PIANP: variants seen among roughly 807,000 people sequenced by gnomAD.
The protein encoded by PIANP is PILR alpha-associated neural protein.
A neutral mutation model predicts 28.9 loss-of-function variants in PIANP; 14 were observed. The ratio of observed to expected loss-of-function variants is 0.49; its 90% CI spans 0.32 to 0.76. The LOEUF is 0.76. Ranked by LOEUF, PIANP falls within the 30% of genes least tolerant of loss-of-function variation. The probability of loss-of-function intolerance (pLI) is 0.03; values close to 1 mark genes in which losing one functional copy is unlikely to be tolerated. For synonymous variants in PIANP, 149 were observed against 156.6 expected, an observed-to-expected ratio of 0.95 and a Z score of 0.36; for missense variants, 322 against 371.8, an observed-to-expected ratio of 0.87 and a Z score of 1.10.
Position 6,700,495 on chromosome 12 carries a change from G to C in PIANP, c.-44+119C>G, listed in dbSNP as rs1489983044. On this transcript the variant is annotated intron_variant, in intron 1 of 4. Transcript: ENST00000534837. The surrounding 1 kb of genome is among the most constrained non-coding windows in gnomAD (Gnocchi z 5.5). ...TTCGGGGAAGGGGCGCTGGGAGGCT[G>C]GAGGCCTTGTCCCGGGCGAGGGACC... is the stretch of plus-strand genomic sequence containing the variant. 6.6e-6 allele frequency: 1 copy of C among 152,320 alleles called. No homozygotes were observed. The highest frequency in any genetic ancestry group is 2.4e-5 in the African/African-American group (1 of 41,344). 9.4% of individuals were successfully genotyped at this position (152,320 alleles called of 1,614,324 possible). A position where few individuals can be genotyped will look rare whatever the true frequency, so the allele number is the denominator to read the frequency against.
Position 6,694,826 on chromosome 12 carries a change from C to T in PIANP, c.*600G>A, listed in dbSNP as rs1221190086. 2.3e-5 allele frequency: 13 copies of T among 564,858 alleles called. 1 individual carries two copies. The highest frequency in any genetic ancestry group is 9.2e-5 in the South Asian group (3 of 32,452). The allele number at this position is 564,858 out of a possible 1,614,324, so 35.0% of individuals were successfully genotyped here. ...GTGCACAAGGGTGGGGACAGGGACC[C>T]GAAGTCACAGATATGTGAGGCCCCC... is the stretch of plus-strand genomic sequence containing the variant. On this transcript the variant is annotated 3_prime_UTR_variant, in exon 5 of 5. Transcript: ENST00000534837. The surrounding 1 kb of genome is among the most constrained non-coding windows in gnomAD (Gnocchi z 6.1).
chr12:6,693,601 C>T (rs1474882960), downstream of PIANP, among the ~76,000 whole-genome samples: 1 of 152,158 alleles, frequency 6.6e-6, no homozygotes, highest in Non-Finnish European at 1.5e-5. Context: ...TGTACCACTG[C>T]TCCTCGTCAG....
At position 6,695,926 on chromosome 12, in the gene PIANP, T is replaced by C. The variant is rs1302750376; in HGVS notation, c.606-275A>G. On this transcript the variant is annotated intron_variant, in intron 4 of 4. Transcript: ENST00000534837. The surrounding 1 kb of genome is among the most constrained non-coding windows in gnomAD (Gnocchi z 4.2). ...TAATATCCCCTCCCCACCACCACAA[T>C]GTCCTCTCCCCTACATGCCCAGAAG... Among the ~76,000 whole-genome samples the C allele has an allele frequency of 6.6e-6, 1 of 152,004 alleles. No individual in the cohort carries two copies. Among genetic ancestry groups the C allele is most frequent in the Non-Finnish European group, 1.5e-5 (1 of 67,998 alleles).
Position 6,696,040 on chromosome 12 carries a change from C to G in PIANP, c.606-389G>C, listed in dbSNP as rs73266929. 0.15 allele frequency among the ~76,000 whole-genome samples: 23,068 copies of G among 152,096 alleles called. 2,349 individuals are homozygous for G. Among genetic ancestry groups the G allele is most frequent in the African/African-American group, 0.29 (11,940 of 41,458 alleles). ...TTGGACACCTGAGTCTAATGATTCT[C>G]TCAGTAAAGTGTGAAGGACTGAGTG... On this transcript the variant is annotated intron_variant, in intron 4 of 4. Coordinates refer to ENST00000534837, the MANE Select transcript of PIANP (RefSeq NM_001244014.2). This position sits in a 1 kb window ranked among gnomAD's most constrained non-coding sequence, Gnocchi z 4.0.
chr12:6,700,106 C>T lies in PIANP; in HGVS notation c.-44+508G>A, dbSNP rs990802706. On this transcript the variant is annotated intron_variant, in intron 1 of 4. Coordinates refer to ENST00000534837, the MANE Select transcript of PIANP (RefSeq NM_001244014.2). The surrounding 1 kb of genome is among the most constrained non-coding windows in gnomAD (Gnocchi z 5.5). Reference sequence around the variant, plus strand: ...CGCAGTCCCCGGGCTGGCGCGCCACCCCCACCCCTCTCCCAGCTTCTCACC... The same window carrying T: ...CGCAGTCCCCGGGCTGGCGCGCCACTCCCACCCCTCTCCCAGCTTCTCACC... 3 of 152,282 alleles carry T rather than the reference C, an allele frequency of 2.0e-5. No homozygotes were observed. The highest frequency in any genetic ancestry group is 4.4e-5 in the Non-Finnish European group (3 of 68,130). 9.4% of individuals were successfully genotyped at this position (152,282 alleles called of 1,614,324 possible). A position where few individuals can be genotyped will look rare whatever the true frequency, so the allele number is the denominator to read the frequency against.
In PIANP at chr12:6,697,733, G is replaced by A. The variant is rs777111515; in HGVS notation, c.77C>T (p.Pro26Leu). Residue 26 changes from proline to leucine, a missense_variant, in exon 3 of 5, where the codon CCA (proline) becomes CTA (leucine). Transcript: ENST00000534837. The surrounding 1 kb of genome is among the most constrained non-coding windows in gnomAD (Gnocchi z 6.9). ...GGATGAAGAGCCCTGAGCAGGCGGT[G>A]GGAGGGGCAGCAACAGCAGTGGCCA... ...PLWPLLLLPL[P>L]PPAQGSSSSP... 5.1e-6 allele frequency: 8 copies of A among 1,555,954 alleles called. No individual in the cohort carries two copies. Among genetic ancestry groups the A allele is most frequent in the Non-Finnish European group, 6.9e-6 (8 of 1,153,434 alleles).
chr12:6,693,457 T>G (rs1041023870), downstream of PIANP, among the ~76,000 whole-genome samples: 2 of 152,160 alleles, frequency 1.3e-5, no homozygotes, highest in African/African-American at 4.8e-5. Context: ...TCTTATCAGG[T>G]CTCTCTTCCG....
rs961450790 is a variant in PIANP, at chr12:6,695,610, T to C, written c.647A>G (p.Gln216Arg). 2 of 1,578,372 alleles carry C rather than the reference T, an allele frequency of 1.3e-6. No homozygotes were observed. Among genetic ancestry groups the C allele is most frequent in the African/African-American group, 2.7e-5 (2 of 73,474 alleles). Residue 216 changes from glutamine (Q) to arginine (R), a missense_variant, in exon 5 of 5, where the codon CAA (glutamine) becomes CGA (arginine). Gln to Arg is a conservative substitution (Grantham distance 43). Coordinates refer to ENST00000534837, the MANE Select transcript of PIANP (RefSeq NM_001244014.2). This position sits in a 1 kb window ranked among gnomAD's most constrained non-coding sequence, Gnocchi z 4.2. ...GCTCTCCTCCTGCCTCAGGGCACCT[T>C]GCTGCCCTGAGGGTCTGCGTCGCTT... ...SQKRRRPSGQQGALRQEESQQ... is the reference protein window; with the variant it reads ...SQKRRRPSGQRGALRQEESQQ...
In PIANP at chr12:6,696,328, C is replaced by A; in HGVS notation, c.605+115G>T. 1 of 712,412 alleles carries A rather than the reference C, an allele frequency of 1.4e-6. No homozygotes were observed. Among genetic ancestry groups the A allele is most frequent in the Non-Finnish European group, 2.3e-6 (1 of 444,324 alleles). 44.1% of individuals were successfully genotyped at this position (712,412 alleles called of 1,614,324 possible). The stretch of plus-strand genomic sequence containing the variant: ...TCTTTTCCCAAGGTCTTGCCTTCAT[C>A]CAGCATTTCCCACCCACCCCCCAGC... On this transcript the variant is annotated intron_variant, in intron 4 of 4. Coordinates refer to ENST00000534837, the MANE Select transcript of PIANP (RefSeq NM_001244014.2). The surrounding 1 kb of genome is among the most constrained non-coding windows in gnomAD (Gnocchi z 4.0).
Position 6,695,530 on chromosome 12 carries a change from C to T in PIANP, c.727G>A (p.Gly243Arg), listed in dbSNP as rs371970161. ...TCAGGGGTGGGGGTAGGTGAGTCCCCGAAGGCCCCCAGCACAGTGACTCCA... is the reference window on the plus strand; with the variant it reads ...TCAGGGGTGGGGGTAGGTGAGTCCCTGAAGGCCCCCAGCACAGTGACTCCA... ...PAGVTVLGAF[G>R]DSPTPTPDHE... Residue 243 changes from glycine to arginine, a missense_variant, in exon 5 of 5, where the codon GGG (glycine) becomes AGG (arginine). By Grantham distance (125) the Gly-to-Arg change is moderately radical. Transcript: ENST00000534837. The surrounding 1 kb of genome is among the most constrained non-coding windows in gnomAD (Gnocchi z 4.2). 42 of 1,581,980 alleles carry T rather than the reference C, an allele frequency of 2.7e-5. No individual in the cohort carries two copies. Among genetic ancestry groups the T allele is most frequent in the East Asian group, 4.7e-5 (2 of 42,656 alleles).
Position 6,697,302 on chromosome 12 carries a change from C to G in PIANP, c.508G>C (p.Gly170Arg). 1.2e-6 allele frequency: 2 copies of G among 1,613,920 alleles called. No individual in the cohort carries two copies. Among genetic ancestry groups the G allele is most frequent in the Non-Finnish European group, 1.7e-6 (2 of 1,179,870 alleles). Residue 170 changes from glycine (G) to arginine (R), a missense_variant, in exon 3 of 5, where the codon GGG becomes CGG. Physicochemically the swap from Gly to Arg is moderately radical, Grantham distance 125. Coordinates refer to ENST00000534837, the MANE Select transcript of PIANP (RefSeq NM_001244014.2). This position sits in a 1 kb window ranked among gnomAD's most constrained non-coding sequence, Gnocchi z 6.9. ...APATLRPFLF[G>R]GRGEGVDPQL... ...TCCCACTCACCTTCCCCACGGCCCC[C>G]GAACAGGAATGGCCGCAGGGTGGCA...
chr12:6,699,602 G>T (rs1169547351), intron 1 of PIANP, among the ~76,000 whole-genome samples: 1 of 151,696 alleles, frequency 6.6e-6, no homozygotes, highest in African/African-American at 2.4e-5. Flanking sequence ...TGCAGGGGAA[G>T]AAGGGGCAGG....
At position 6,697,195 on chromosome 12, in the gene PIANP, A is replaced by G; in HGVS notation, c.523+92T>C. ...GTATAGTGCCTGACACATTTGTTGA[A>G]GGAGCTAACAGACAAGGCCTCTATT... On this transcript the variant is annotated intron_variant, in intron 3 of 4. Transcript: ENST00000534837. The surrounding 1 kb of genome is among the most constrained non-coding windows in gnomAD (Gnocchi z 6.9). 6.6e-7 allele frequency: 1 copy of G among 1,522,054 alleles called. No individual in the cohort carries two copies. Among genetic ancestry groups the G allele is most frequent in the Non-Finnish European group, 8.8e-7 (1 of 1,133,296 alleles). The allele number at this position is 1,522,054 out of a possible 1,614,324, so 94.3% of individuals were successfully genotyped here. A position where few individuals can be genotyped will look rare whatever the true frequency, so the allele number is the denominator to read the frequency against.
chr12:6,694,894 G>A lies in PIANP; in HGVS notation c.*532C>T. 9.8e-7 allele frequency: 1 copy of A among 1,020,936 alleles called. No individual in the cohort carries two copies. Among genetic ancestry groups the A allele is most frequent in the Non-Finnish European group, 1.4e-6 (1 of 731,568 alleles). 63.2% of individuals were successfully genotyped at this position (1,020,936 alleles called of 1,614,324 possible). On this transcript the variant is annotated 3_prime_UTR_variant, in exon 5 of 5. Coordinates refer to ENST00000534837, the MANE Select transcript of PIANP (RefSeq NM_001244014.2). The surrounding 1 kb of genome is among the most constrained non-coding windows in gnomAD (Gnocchi z 6.1). ...CAGATAGGATTGCCCGTGGGGCTGG[G>A]GAGTGTTCCGGGTGGTGTGCAAGGG...
Position 6,695,686 on chromosome 12 carries a change from A to G in PIANP, c.606-35T>C, listed in dbSNP as rs75669580. 4,433 of 1,439,428 alleles carry G rather than the reference A, an allele frequency of 3.1e-3. 83 individuals carry two copies. The African/African-American group carries it at 0.05, about 16-fold the overall frequency. The allele number at this position is 1,439,428 out of a possible 1,614,324, so 89.2% of individuals were successfully genotyped here. On this transcript the variant is annotated intron_variant, in intron 4 of 4. Coordinates refer to ENST00000534837, the MANE Select transcript of PIANP (RefSeq NM_001244014.2). This position sits in a 1 kb window ranked among gnomAD's most constrained non-coding sequence, Gnocchi z 4.2. ...CAGAGGAAAAGAGGTTCTCTTGCAC[A>G]CTCAAGTAGCCCCCATCCTGGGCCT...
Position 6,696,294 on chromosome 12 carries a change from C to G in PIANP, c.605+149G>C, listed in dbSNP as rs1370046682. 1.8e-6 allele frequency: 1 copy of G among 569,092 alleles called. No homozygotes were observed. Among genetic ancestry groups the G allele is most frequent in the East Asian group, 3.2e-5 (1 of 30,804 alleles). The allele number at this position is 569,092 out of a possible 1,614,324, so 35.3% of individuals were successfully genotyped here. On this transcript the variant is annotated intron_variant, in intron 4 of 4. Transcript: ENST00000534837. This position sits in a 1 kb window ranked among gnomAD's most constrained non-coding sequence, Gnocchi z 4.0. Reference sequence around the variant, plus strand: ...TCTCACCGTCTTCCCCCAGCCAAATCCTTAATTATCTTTTCCCAAGGTCTT... The same window carrying G: ...TCTCACCGTCTTCCCCCAGCCAAATGCTTAATTATCTTTTCCCAAGGTCTT...
In PIANP at chr12:6,696,408, C is replaced by G. The variant is rs1168718732; in HGVS notation, c.605+35G>C. On this transcript the variant is annotated intron_variant, in intron 4 of 4. Transcript: ENST00000534837. The surrounding 1 kb of genome is among the most constrained non-coding windows in gnomAD (Gnocchi z 4.0). ...GAGCCTCGACTGCCAAACATTCCGT[C>G]CCCATCCACCAGCACCTTCCTCCTC... 1 of 1,519,532 alleles carries G rather than the reference C, an allele frequency of 6.6e-7. No homozygotes were observed. The highest frequency in any genetic ancestry group is 2.0e-5 in the Admixed American group (1 of 50,314). The allele number at this position is 1,519,532 out of a possible 1,614,324, so 94.1% of individuals were successfully genotyped here. A position where few individuals can be genotyped will look rare whatever the true frequency, so the allele number is the denominator to read the frequency against.
At position 6,695,360 on chromosome 12, in the gene PIANP, C is replaced by A; in HGVS notation, c.*66G>T. ...CCTCACTACCCATCCAGAGGGCACCCCCACCCCAGCTCTGAAGACCTAAGT... is the reference window on the plus strand; with the variant it reads ...CCTCACTACCCATCCAGAGGGCACCACCACCCCAGCTCTGAAGACCTAAGT... On this transcript the variant is annotated 3_prime_UTR_variant, in exon 5 of 5. Coordinates refer to ENST00000534837, the MANE Select transcript of PIANP (RefSeq NM_001244014.2). This position sits in a 1 kb window ranked among gnomAD's most constrained non-coding sequence, Gnocchi z 4.2. 7.1e-6 allele frequency: 10 copies of A among 1,407,062 alleles called. No homozygotes were observed. Among genetic ancestry groups the A allele is most frequent in the Non-Finnish European group, 7.4e-6 (8 of 1,076,216 alleles). 87.2% of individuals were successfully genotyped at this position (1,407,062 alleles called of 1,614,324 possible). A position where few individuals can be genotyped will look rare whatever the true frequency, so the allele number is the denominator to read the frequency against.
rs1959793432 is a variant in PIANP, at chr12:6,694,669, GGA to G, written c.*755_*756del. On this transcript the variant is annotated 3_prime_UTR_variant, in exon 5 of 5. Coordinates refer to ENST00000534837, the MANE Select transcript of PIANP (RefSeq NM_001244014.2). The surrounding 1 kb of genome is among the most constrained non-coding windows in gnomAD (Gnocchi z 6.1). ...GTGAGCTGAGCACAGAATGTGGGAAGGAGAGAGTGCAAATGTGAGACGAGAGA... is the reference window on the plus strand; with the variant it reads ...GTGAGCTGAGCACAGAATGTGGGAAGGAGAGTGCAAATGTGAGACGAGAGA... 1 of 232,720 alleles carries G rather than the reference GGA, an allele frequency of 4.3e-6. No individual in the cohort carries two copies. The highest frequency in any genetic ancestry group is 8.4e-6 in the Non-Finnish European group (1 of 118,996). The allele number at this position is 232,720 out of a possible 1,614,324, so 14.4% of individuals were successfully genotyped here.
Sources: allele counts gnomAD v4.1 joint callset (sites outside exome capture counted in the v4.1 genomes callset), GRCh38; gene constraint gnomAD v4.1.1; non-coding constraint Gnocchi (gnomAD v3.1); transcripts MANE v1.5; gene names NCBI Gene and HGNC (gene_info 2026-07-23, HGNC 2026-07-21).